ZNF99: variants seen among roughly 807,000 people sequenced by gnomAD.
The protein encoded by ZNF99 is zinc finger protein 99.
A neutral mutation model predicts 12.8 loss-of-function variants in ZNF99; 8 were observed. The ratio of observed to expected loss-of-function variants is 0.62; its 90% CI spans 0.37 to 1.13. The LOEUF (loss-of-function observed/expected upper bound fraction) is 1.13, where lower values mean the gene tolerates loss of function less well. Among genes scored for constraint, ZNF99 ranks in the 50% most tolerant of loss-of-function variants. ZNF99 has a pLI of 0.02. For missense variants in ZNF99, 1,007 were observed against 1,006.2 expected (o/e 1.00, Z -0.01); for synonymous variants, 318 against 319.0 (o/e 1.00, Z 0.03).
chr19:22,759,069 A>C lies in ZNF99; in HGVS notation c.840T>G (p.Thr280=), dbSNP rs764020114. The C allele has an allele frequency of 3.7e-6, 6 of 1,613,694 alleles. No individual in the cohort carries two copies. The South Asian group carries it at 4.4e-5, about 12-fold the overall frequency. ...CTTCACATTTATATGGTTTCTTCCC[A>C]GTATGAATTATCTTATGTTTCATAA... ...STLMKHKIIH[T]GKKPYKCEEC... The change falls in exon 4 of 4, where the codon ACT becomes ACG. Residue 280 remains threonine (T), a synonymous_variant. Coordinates refer to ENST00000596209, the MANE Select transcript of ZNF99 (RefSeq NM_001080409.3).
At chr19:22,780,067 A>C (rs28535692) in intron 1 of ZNF99, among the ~76,000 whole-genome samples, 8,341 of 152,182 alleles carry the variant, frequency 0.055, 715 homozygotes, top group African/African-American at 0.19. Flanking sequence ...CCTCAGGATA[A>C]AGTCTCCTTC....
intron 3 of ZNF99, among the ~76,000 whole-genome samples, chr19:22,765,765 A>G (rs1398034931): frequency 6.6e-6 from 1 of 151,902 alleles, no homozygotes; most frequent in Admixed American, 6.6e-5. Flanking sequence ...TAGTCAGAAA[A>G]CTTGAGACCA....
At chr19:22,762,249 A>T (rs913245427) in intron 3 of ZNF99, among the ~76,000 whole-genome samples, 9 of 152,202 alleles carry the variant, frequency 5.9e-5, no homozygotes, top group African/African-American at 2.2e-4. Flanking sequence ...CATTAGCAAG[A>T]TTAACCAAGA....
intron 1 of ZNF99, among the ~76,000 whole-genome samples, chr19:22,778,491 A>G (rs1973353065): frequency 6.6e-6 from 1 of 152,152 alleles, no homozygotes; most frequent in East Asian, 1.9e-4. Context: ...CAGTCTCACA[A>G]CATTGTTCTT....
At chr19:22,768,270 T>C (rs2145150788) in intron 3 of ZNF99, 35 bp downstream of exon 3, 1 of 1,609,344 alleles carries the variant, frequency 6.2e-7, no homozygotes, top group Non-Finnish European at 8.5e-7. Context: ...CTGGACCTCT[T>C]ATTTGTGTTG....
In ZNF99 at chr19:22,759,274, C is replaced by G. The variant is rs1973122781; in HGVS notation, c.635G>C (p.Trp212Ser). Residue 212 changes from tryptophan to serine, a missense_variant, in exon 4 of 4, where the codon TGG becomes TCG. Transcript: ENST00000596209. Reference protein sequence around the residue: ...KCEERGKAFKWFSTLIKHKII... With the variant: ...KCEERGKAFKSFSTLIKHKII... ...CTTATGTTTAATAAGGGTTGAGAACCATTTAAAGGCTTTGCCACGTTCTTC... is the reference window on the plus strand; with the variant it reads ...CTTATGTTTAATAAGGGTTGAGAACGATTTAAAGGCTTTGCCACGTTCTTC... 6.4e-7 allele frequency: 1 copy of G among 1,550,460 alleles called. No individual in the cohort carries two copies. Among genetic ancestry groups the G allele is most frequent in the Non-Finnish European group, 8.7e-7 (1 of 1,148,610 alleles).
chr19:22,759,735 T>C, intron 3 of ZNF99, 53 bp from the exon 4 acceptor site: 6 of 1,308,572 alleles, frequency 4.6e-6, no homozygotes, highest in Non-Finnish European at 6.1e-6. Flanking sequence ...CAGATGAATA[T>C]ACTTTACAAA....
At chr19:22,768,019 T>C (rs1386517881) in intron 3 of ZNF99, among the ~76,000 whole-genome samples, 3 of 152,208 alleles carry the variant, frequency 2.0e-5, no homozygotes, top group Admixed American at 1.3e-4. Flanking sequence ...GTCCCCAATA[T>C]GGAAAAGCAG....
At chr19:22,775,909 C>A (rs377559665) in intron 1 of ZNF99, among the ~76,000 whole-genome samples, 56 of 152,160 alleles carry the variant, frequency 3.7e-4, no homozygotes, top group African/African-American at 1.3e-3. Context: ...GTAATCTCAG[C>A]TTCTCGGGAG....
Position 22,770,065 on chromosome 19 carries a change from G to A in ZNF99, c.4-741C>T, listed in dbSNP as rs1973249780. Reference sequence around the variant, plus strand: ...TAAGCATATTTATTTTATAAGATCTGGAATAAAGTCTGAGTTTCTGAATTT... The same window carrying A: ...TAAGCATATTTATTTTATAAGATCTAGAATAAAGTCTGAGTTTCTGAATTT... On this transcript the variant is annotated intron_variant, in intron 1 of 3. Transcript: ENST00000596209. 3 of 1,214,136 alleles carry A rather than the reference G, an allele frequency of 2.5e-6. No homozygotes were observed. In the Admixed American group the frequency reaches 9.9e-5, roughly 40 times the overall value. The allele number at this position is 1,214,136 out of a possible 1,614,324, so 75.2% of individuals were successfully genotyped here. A position where few individuals can be genotyped will look rare whatever the true frequency, so the allele number is the denominator to read the frequency against.
chr19:22,770,121 C>A, intron 1 of ZNF99: 1 of 834,996 alleles, frequency 1.2e-6, no homozygotes, highest in Non-Finnish European at 1.6e-6. Context: ...CTGTTTTTGG[C>A]CCCAAAAGAA....
At chr19:22,765,993 T>C (rs1283128238) in intron 3 of ZNF99, among the ~76,000 whole-genome samples, 1 of 152,072 alleles carries the variant, frequency 6.6e-6, no homozygotes, top group Non-Finnish European at 1.5e-5. Flanking sequence ...TTCTATAGAA[T>C]ATAAAAACAA....
In ZNF99 at chr19:22,758,165, T is replaced by C. The variant is rs774731633; in HGVS notation, c.1744A>G (p.Arg582Gly). Reference sequence around the variant, plus strand: ...TCCCCAGTATGAATTGCTTTATGTCTAGTAAGATGTGAAGATTGCTTAAAA... The same window carrying C: ...TCCCCAGTATGAATTGCTTTATGTCCAGTAAGATGTGAAGATTGCTTAAAA... ...KAFKQSSHLT[R>G]HKAIHTGEKP... Residue 582 changes from arginine (R) to glycine (G), a missense_variant, in exon 4 of 4, where the codon AGA becomes GGA. By Grantham distance (125) the Arg-to-Gly change is moderately radical. Transcript: ENST00000596209. 2 of 1,613,520 alleles carry C rather than the reference T, an allele frequency of 1.2e-6. No homozygotes were observed. Among genetic ancestry groups the C allele is most frequent in the Non-Finnish European group, 1.7e-6 (2 of 1,179,718 alleles).
chr19:22,768,646 A>T (rs1973231064), intron 2 of ZNF99, among the ~76,000 whole-genome samples: 1 of 152,162 alleles, frequency 6.6e-6, no homozygotes, highest in African/African-American at 2.4e-5. Flanking sequence ...ATTTTATGCC[A>T]CTAAATTTCT....
At chr19:22,767,479 GCA>G (rs1234004391) in intron 3 of ZNF99, among the ~76,000 whole-genome samples, 1 of 152,008 alleles carries the variant, frequency 6.6e-6, no homozygotes, top group African/African-American at 2.4e-5. Flanking sequence ...ATTATATTGG[GCA>G]CAATATGCTT....
rs2145321194 is a variant in ZNF99, at chr19:22,752,922, C to CA, written c.*4391dup. On this transcript the variant is annotated 3_prime_UTR_variant, in exon 4 of 4. Coordinates refer to ENST00000596209, the MANE Select transcript of ZNF99 (RefSeq NM_001080409.3). The stretch of plus-strand genomic sequence containing the variant: ...ATCACTCAATATTTTAAGTTAACCA[C>CA]AAAAAGCCTCTCCATTTAGATTTTT... 1.3e-5 allele frequency: 2 copies of CA among 152,156 alleles called. No homozygotes were observed. The highest frequency in any genetic ancestry group is 2.9e-5 in the Non-Finnish European group (2 of 67,932). The allele number at this position is 152,156 out of a possible 1,614,324, so 9.4% of individuals were successfully genotyped here.
Position 22,769,195 on chromosome 19 carries a change from C to T in ZNF99, c.130+3G>A, listed in dbSNP as rs751293422. 9.6e-5 allele frequency: 154 copies of T among 1,605,286 alleles called. 1 individual carries two copies. Among genetic ancestry groups the T allele is most frequent in the South Asian group, 8.6e-4 (78 of 90,776 alleles). On this transcript the variant is annotated splice_donor_region_variant and intron_variant, in intron 2 of 3. Transcript: ENST00000596209. ...GGAATTGCTTAATTAAAATCATCCT[C>T]ACCCAGGAAGACCAGGTTTCTGTAG...
intron 3 of ZNF99, among the ~76,000 whole-genome samples, chr19:22,767,856 T>C (rs1475853948): frequency 2.0e-5 from 3 of 152,194 alleles, no homozygotes; most frequent in Admixed American, 6.5e-5. Flanking sequence ...TATATGCCGG[T>C]ATCTGTTTCT....
chr19:22,781,852 G>A (rs536135603), intron 1 of ZNF99, among the ~76,000 whole-genome samples: 104 of 151,590 alleles, frequency 6.9e-4, no homozygotes, highest in African/African-American at 2.4e-3. Flanking sequence ...CAGGACCAGG[G>A]AAAAAACTGA....
Sources: allele counts gnomAD v4.1 joint callset (sites outside exome capture counted in the v4.1 genomes callset), GRCh38; gene constraint gnomAD v4.1.1; transcripts MANE v1.5; gene names NCBI Gene and HGNC (gene_info 2026-07-23, HGNC 2026-07-21).